The following CSMD1 variants were observed in gnomAD, a reference collection of about 807,000 sequenced individuals.
The protein encoded by CSMD1 is CUB and Sushi multiple domains 1.
In CSMD1, 213 loss-of-function variants were observed where a neutral mutation model predicts 417.5. That is an observed-to-expected ratio of 0.51 (90% confidence interval 0.46 to 0.57). CSMD1 has a LOEUF of 0.57. Ranked by LOEUF, CSMD1 falls within the 20% of genes least tolerant of loss-of-function variation. The probability of loss-of-function intolerance (pLI) is 0.00; values close to 1 mark genes in which losing one functional copy is unlikely to be tolerated. For missense variants in CSMD1, 6,923 were observed against 4,529.7 expected (o/e 1.53, Z -15.17); for synonymous variants, 2,862 against 1,736.8 (o/e 1.65, Z -16.11).
At chr8:4,229,587 C>G (rs1801581139) in intron 3 of CSMD1, among the ~76,000 whole-genome samples, 1 of 152,180 alleles carries the variant, frequency 6.6e-6, no homozygotes, top group Admixed American at 6.5e-5. Flanking sequence ...GGACCTGTTT[C>G]CACTGCATGA....
chr8:3,658,720 T>C (rs1337518892), intron 7 of CSMD1, among the ~76,000 whole-genome samples: 2 of 152,048 alleles, frequency 1.3e-5, no homozygotes, highest in Non-Finnish European at 2.9e-5. Flanking sequence ...GAGGCTAAGG[T>C]TGCAGTGAGC....
At chr8:3,914,582 A>C (rs1563205876) in intron 5 of CSMD1, among the ~76,000 whole-genome samples, 1 of 152,216 alleles carries the variant, frequency 6.6e-6, no homozygotes, top group Non-Finnish European at 1.5e-5. Context: ...TCCTTAAAAT[A>C]AAATAAATTA....
At chr8:4,031,383 G>T (rs62502687) in intron 4 of CSMD1, among the ~76,000 whole-genome samples, 30 of 152,104 alleles carry the variant, frequency 2.0e-4, no homozygotes, top group African/African-American at 6.3e-4. Flanking sequence ...ATGGCAGCAG[G>T]CAAAGAGAGA....
At chr8:3,493,588 G>C (rs752417580) in intron 11 of CSMD1, 35 bp downstream of exon 11, 4 of 1,546,164 alleles carry the variant, frequency 2.6e-6, no homozygotes, top group African/African-American at 2.7e-5. Context: ...CGCACTGCAT[G>C]CATAAGAGAA....
chr8:4,082,915 T>A (rs1455081392), intron 3 of CSMD1, among the ~76,000 whole-genome samples: 1 of 151,980 alleles, frequency 6.6e-6, no homozygotes, highest in East Asian at 1.9e-4. Flanking sequence ...ATTTCCAATT[T>A]CATCCATGTC....
chr8:3,556,516 GCA>G (rs71708244), intron 10 of CSMD1, among the ~76,000 whole-genome samples: 14,221 of 137,324 alleles, frequency 0.1, 725 homozygotes, highest in Non-Finnish European at 0.12. Context: ...TTTTTCACAC[GCA>G]CACACACACA....
intron 1 of CSMD1, among the ~76,000 whole-genome samples, chr8:4,937,597 C>A (rs139626572): frequency 2.5e-4 from 38 of 152,280 alleles, no homozygotes; most frequent in African/African-American, 8.7e-4. Flanking sequence ...GAAAAGTCCC[C>A]TAAATACCTT....
intron 26 of CSMD1, among the ~76,000 whole-genome samples, chr8:3,265,389 C>A (rs143598895): frequency 1.3e-5 from 2 of 152,112 alleles, no homozygotes; most frequent in Admixed American, 1.3e-4. Flanking sequence ...TTCTATGAAT[C>A]TTGTGAAGGG....
At chr8:4,813,068 G>C (rs13254884) in intron 1 of CSMD1, among the ~76,000 whole-genome samples, 46,342 of 152,034 alleles carry the variant, frequency 0.3, 8,157 homozygotes, top group Admixed American at 0.47. Context: ...CCCTCTGGCA[G>C]AGGTAGATAT....
chr8:4,034,368 A>G (rs1797509254), intron 3 of CSMD1, among the ~76,000 whole-genome samples: 1 of 152,220 alleles, frequency 6.6e-6, no homozygotes, highest in Non-Finnish European at 1.5e-5. Flanking sequence ...GTAATTTCTG[A>G]GAGCAGTCTA....
chr8:4,291,601 G>C (rs185289017), intron 3 of CSMD1, among the ~76,000 whole-genome samples: 27 of 152,162 alleles, frequency 1.8e-4, no homozygotes, highest in Admixed American at 1.5e-3. Flanking sequence ...AATTTCTGTG[G>C]TCATTTTTCT....
Position 3,754,111 on chromosome 8 carries a change from G to A in CSMD1, c.819-69C>T, listed in dbSNP as rs1047231647. On this transcript the variant is annotated intron_variant, in intron 5 of 69. Coordinates refer to ENST00000635120, the MANE Select transcript of CSMD1 (RefSeq NM_033225.6). ...AGAGCAAATGTCCTATATCAAACCC[G>A]CTTTGAAATCCGATTACTTAAATCC... The A allele has an allele frequency of 8.9e-5, 85 of 959,600 alleles. 1 individual carries two copies. Among genetic ancestry groups the A allele is most frequent in the Non-Finnish European group, 1.3e-4 (80 of 615,224 alleles). The allele number at this position is 959,600 out of a possible 1,614,324, so 59.4% of individuals were successfully genotyped here. A position where few individuals can be genotyped will look rare whatever the true frequency, so the allele number is the denominator to read the frequency against.
intron 6 of CSMD1, among the ~76,000 whole-genome samples, chr8:3,742,962 G>A (rs1187629385): frequency 6.6e-6 from 1 of 152,154 alleles, no homozygotes; most frequent in Non-Finnish European, 1.5e-5. Context: ...GATACCACGA[G>A]GCACAGACTA....
chr8:3,757,868 C>CA (rs869281620), intron 5 of CSMD1, among the ~76,000 whole-genome samples: 1 of 150,182 alleles, frequency 6.7e-6, no homozygotes. Flanking sequence ...AACAAACAAA[C>CA]AAAAAAAACC....
chr8:4,107,456 C>T (rs1410276817), intron 3 of CSMD1, among the ~76,000 whole-genome samples: 1 of 152,188 alleles, frequency 6.6e-6, no homozygotes, highest in Non-Finnish European at 1.5e-5. Flanking sequence ...GTTTAAAGCA[C>T]TGGATAATGA....
chr8:4,408,257 G>C (rs1280622802), intron 3 of CSMD1, among the ~76,000 whole-genome samples: 2 of 152,110 alleles, frequency 1.3e-5, no homozygotes, highest in Admixed American at 6.6e-5. Context: ...TCTCCTCAGA[G>C]GATATGAAAG....
intron 26 of CSMD1, among the ~76,000 whole-genome samples, chr8:3,254,247 G>C (rs1425494178): frequency 1.3e-5 from 2 of 152,210 alleles, no homozygotes; most frequent in African/African-American, 2.4e-5. Context: ...GAGATCAGCT[G>C]TTAGTCTGAT....
chr8:4,353,790 C>A (rs974480174), intron 3 of CSMD1, among the ~76,000 whole-genome samples: 1 of 152,102 alleles, frequency 6.6e-6, no homozygotes, highest in Admixed American at 6.6e-5. Flanking sequence ...TATTTGCTGG[C>A]TTATAAATGG....
intron 3 of CSMD1, among the ~76,000 whole-genome samples, chr8:4,131,537 TTG>T (rs2130981769): frequency 6.6e-6 from 1 of 152,280 alleles, no homozygotes; most frequent in African/African-American, 2.4e-5. Context: ...TCAACGCATT[TTG>T]TCTTTAACTG....
Sources: allele counts gnomAD v4.1 joint callset (sites outside exome capture counted in the v4.1 genomes callset), GRCh38; gene constraint gnomAD v4.1.1; transcripts MANE v1.5; gene names NCBI Gene and HGNC (gene_info 2026-07-23, HGNC 2026-07-21).